Variants in GALNT13 observed in about 807,000 individuals in gnomAD.
The protein encoded by GALNT13 is polypeptide N-acetylgalactosaminyltransferase 13.
Under a neutral mutation model 64.2 loss-of-function variants are expected in GALNT13, and 28 were observed. The observed-to-expected ratio is 0.44, with a 90% CI of 0.32 to 0.60. The LOEUF (loss-of-function observed/expected upper bound fraction) is 0.60, where lower values mean the gene tolerates loss of function less well. GALNT13 is among the 20% of genes least tolerant of loss of function. GALNT13 has a pLI of 0.05. For missense variants in GALNT13, 577 were observed against 669.8 expected (o/e 0.86, Z 1.53); for synonymous variants, 214 against 224.6 (o/e 0.95, Z 0.42).
chr2:154,241,288 TG>T (rs1689475750), intron 4 of GALNT13, among the ~76,000 whole-genome samples: 1 of 152,034 alleles, frequency 6.6e-6, no homozygotes, highest in Non-Finnish European at 1.5e-5. Context: ...TCTGTAGGGG[TG>T]GAGCCCTAGC....
the GALNT13 span, among the ~76,000 whole-genome samples, chr2:153,322,526 A>C: frequency 6.6e-6 from 1 of 152,100 alleles, no homozygotes; most frequent in Non-Finnish European, 1.5e-5. Context: ...ATTATACTTT[A>C]AGTTCTGGGA....
At chr2:153,540,132 G>T in the GALNT13 span, among the ~76,000 whole-genome samples, 1 of 152,208 alleles carries the variant, frequency 6.6e-6, no homozygotes, top group African/African-American at 2.4e-5. Flanking sequence ...AATCGGTTCT[G>T]TGGGCCTGGT....
chr2:153,239,400 T>C, the GALNT13 span, among the ~76,000 whole-genome samples: 1 of 152,116 alleles, frequency 6.6e-6, no homozygotes, highest in Non-Finnish European at 1.5e-5. Flanking sequence ...AACTGAGCAT[T>C]GTTTTCTTAT....
the GALNT13 span, among the ~76,000 whole-genome samples, chr2:153,415,395 A>T: frequency 6.6e-6 from 1 of 152,174 alleles, no homozygotes; most frequent in African/African-American, 2.4e-5. Context: ...TAGGTGGCAT[A>T]ACTCCTTGTG....
At chr2:153,502,154 T>C in the GALNT13 span, among the ~76,000 whole-genome samples, 1 of 152,208 alleles carries the variant, frequency 6.6e-6, no homozygotes, top group Non-Finnish European at 1.5e-5. Flanking sequence ...ATAAATTCTT[T>C]AGTGGTGATT....
At chr2:153,924,483 C>T (rs1689977591) in intron 2 of GALNT13, among the ~76,000 whole-genome samples, 1 of 152,070 alleles carries the variant, frequency 6.6e-6, no homozygotes, top group Non-Finnish European at 1.5e-5. Context: ...AGATTGATTC[C>T]ATGTCGTTGC....
At chr2:154,034,433 A>G (rs1306335744) in intron 3 of GALNT13, among the ~76,000 whole-genome samples, 2 of 152,140 alleles carry the variant, frequency 1.3e-5, no homozygotes, top group Non-Finnish European at 2.9e-5. Flanking sequence ...TTGGCTTTCT[A>G]TTTATTATTA....
chr2:154,169,138 T>G (rs183624479), intron 4 of GALNT13, among the ~76,000 whole-genome samples: 7 of 152,194 alleles, frequency 4.6e-5, no homozygotes, highest in Admixed American at 4.6e-4. Flanking sequence ...CAGGGGACAT[T>G]AATCATGAGG....
chr2:153,532,087 G>A, the GALNT13 span, among the ~76,000 whole-genome samples: 4 of 151,998 alleles, frequency 2.6e-5, no homozygotes, highest in Admixed American at 6.6e-5. Flanking sequence ...GTGCCCCAGT[G>A]GGGGCTCTGT....
Position 154,300,248 on chromosome 2 carries a change from G to A in GALNT13, c.976-1161G>A, listed in dbSNP as rs532377953. 1.1e-4 allele frequency among the ~76,000 whole-genome samples: 17 copies of A among 151,892 alleles called. No individual in the cohort carries two copies. The South Asian group carries it at 3.1e-3, about 28-fold the overall frequency. ...CTCCTGAGTAGCTGGGACTACAGGCGTGTGTCACCACATCCGGCTGATTTT... is the reference window on the plus strand; with the variant it reads ...CTCCTGAGTAGCTGGGACTACAGGCATGTGTCACCACATCCGGCTGATTTT... On this transcript the variant is annotated intron_variant, in intron 8 of 12. Transcript: ENST00000392825.
At chr2:153,519,837 A>T in the GALNT13 span, among the ~76,000 whole-genome samples, 1 of 152,186 alleles carries the variant, frequency 6.6e-6, no homozygotes, top group Admixed American at 6.5e-5. Flanking sequence ...GGTTTGTTTT[A>T]GCACTTCAAG....
the GALNT13 span, among the ~76,000 whole-genome samples, chr2:153,149,213 CA>C: frequency 6.6e-6 from 1 of 151,866 alleles, no homozygotes; most frequent in East Asian, 1.9e-4. Context: ...ATCAGCCCAG[CA>C]AGGTGTTTTG....
chr2:154,139,477 T>C (rs935209343), intron 3 of GALNT13, among the ~76,000 whole-genome samples: 38 of 152,066 alleles, frequency 2.5e-4, no homozygotes, highest in African/African-American at 4.1e-4. Flanking sequence ...AGTCGAGACA[T>C]TGGAAGAGTC....
At chr2:154,314,981 C>T (rs940301546) in intron 9 of GALNT13, among the ~76,000 whole-genome samples, 1 of 152,210 alleles carries the variant, frequency 6.6e-6, no homozygotes, top group Admixed American at 6.5e-5. Flanking sequence ...TCTGGAATGA[C>T]CCAGCTACAT....
At chr2:153,662,685 C>T in the GALNT13 span, among the ~76,000 whole-genome samples, 2 of 152,102 alleles carry the variant, frequency 1.3e-5, no homozygotes, top group Non-Finnish European at 2.9e-5. Context: ...ATCAAATTGC[C>T]TCTCTGTAGG....
the GALNT13 span, chr2:153,423,485 T>C: frequency 6.6e-6 from 1 of 151,962 alleles, no homozygotes. Flanking sequence ...CATCATTGTG[T>C]GGAGTTCCTG....
intron 3 of GALNT13, among the ~76,000 whole-genome samples, chr2:154,011,531 G>A (rs1056282126): frequency 3.3e-5 from 5 of 152,118 alleles, no homozygotes; most frequent in Non-Finnish European, 7.4e-5. Flanking sequence ...CAGATGAGAA[G>A]AATGTATATT....
the GALNT13 span, among the ~76,000 whole-genome samples, chr2:153,848,985 C>CG: frequency 6.6e-6 from 1 of 150,962 alleles, no homozygotes; most frequent in Admixed American, 6.6e-5. Flanking sequence ...AAGGACTTTA[C>CG]AAAAAAAAGA....
chr2:153,505,780 C>T, the GALNT13 span, among the ~76,000 whole-genome samples: 1,065 of 152,114 alleles, frequency 7.0e-3, 21 homozygotes, highest in East Asian at 0.082. Context: ...CCTTATCATG[C>T]GGTCTATCTT....
Sources: allele counts gnomAD v4.1 joint callset (sites outside exome capture counted in the v4.1 genomes callset), GRCh38; gene constraint gnomAD v4.1.1; transcripts MANE v1.5; gene names NCBI Gene and HGNC (gene_info 2026-07-23, HGNC 2026-07-21).